The following DLG5 variants were observed in gnomAD, a reference collection of about 807,000 sequenced individuals.
DLG5 encodes discs large MAGUK scaffold protein 5, also known as disks large homolog 5.
A neutral mutation model predicts 189.8 loss-of-function variants in DLG5; 48 were observed. That is an observed-to-expected ratio of 0.25 (90% CI 0.20 to 0.32). The LOEUF (loss-of-function observed/expected upper bound fraction) is 0.32, where lower values mean the gene tolerates loss of function less well. DLG5 is among the 10% of genes least tolerant of loss of function. The pLI is 1.00. For missense variants in DLG5, 2,160 were observed against 2,544.7 expected (o/e 0.85, Z 3.25); for synonymous variants, 1,016 against 1,054.1 (o/e 0.96, Z 0.70).
At chr10:77,831,946 G>A (rs1420959786) in intron 9 of DLG5, among the ~76,000 whole-genome samples, 4 of 152,320 alleles carry the variant, frequency 2.6e-5, no homozygotes, top group Non-Finnish European at 4.4e-5. Context: ...GGAGGCTCAC[G>A]CCTGTAATCC....
At chr10:77,857,114 C>G (rs898863598) in intron 2 of DLG5, among the ~76,000 whole-genome samples, 3 of 152,122 alleles carry the variant, frequency 2.0e-5, no homozygotes, top group African/African-American at 4.8e-5. Context: ...CACTCAACAA[C>G]CCCCAGTAAC....
At chr10:77,804,498 G>A (rs1841374613) in intron 27 of DLG5, among the ~76,000 whole-genome samples, 1 of 152,128 alleles carries the variant, frequency 6.6e-6, no homozygotes, top group African/African-American at 2.4e-5. Context: ...GAGAGGGAGG[G>A]AGGCAGCCAG....
In DLG5 at chr10:77,903,264, C is replaced by A. The variant is rs560023618; in HGVS notation, c.304+22953G>T. On this transcript the variant is annotated intron_variant, in intron 1 of 31. Transcript: ENST00000372391. ...CCAATATGGAGAACCCCCGTCTCTA[C>A]TAAAAATACAAAAATTAGCCGGGCG... 1.7e-3 allele frequency among the ~76,000 whole-genome samples: 261 copies of A among 152,068 alleles called. 1 individual carries two copies. Among genetic ancestry groups the A allele is most frequent in the African/African-American group, 6.0e-3 (251 of 41,500 alleles).
intron 1 of DLG5, among the ~76,000 whole-genome samples, chr10:77,881,072 A>G (rs577653919): frequency 2.0e-4 from 29 of 143,762 alleles, no homozygotes; most frequent in African/African-American, 7.3e-4. Context: ...TCCCGGGTCC[A>G]AGTGATTCTC....
intron 27 of DLG5, among the ~76,000 whole-genome samples, chr10:77,802,628 GTAATCCC>G (rs1841267324): frequency 6.6e-6 from 1 of 152,258 alleles, no homozygotes; most frequent in Admixed American, 6.5e-5. Context: ...CCTTGCGCCT[GTAATCCC>G]GGGTGCAGTG....
Position 77,821,566 on chromosome 10 carries a change from A to G in DLG5, c.2918T>C (p.Ile973Thr). 1 of 1,612,910 alleles carries G rather than the reference A, an allele frequency of 6.2e-7. No homozygotes were observed. The highest frequency in any genetic ancestry group is 8.5e-7 in the Non-Finnish European group (1 of 1,180,010). ...VYKKPKQRKS[I>T]FDPNTFKRPQ... Reference sequence around the variant, plus strand: ...GCGTTTGAAAGTGTTAGGGTCAAAGATGGACTTTCTTTGCTTTGGCTTTTT... The same window carrying G: ...GCGTTTGAAAGTGTTAGGGTCAAAGGTGGACTTTCTTTGCTTTGGCTTTTT... The change falls in exon 15 of 32, where the codon ATC becomes ACC. Residue 973 changes from isoleucine (I) to threonine (T), a missense_variant. Ile to Thr is a moderately conservative substitution (Grantham distance 89, BLOSUM62 -1). This residue lies in a region of DLG5 where 754 missense variants were observed against 746.5 expected (regional missense o/e 1.01). Coordinates refer to ENST00000372391, the MANE Select transcript of DLG5 (RefSeq NM_004747.4).
At position 77,871,152 on chromosome 10, in the gene DLG5, C is replaced by T. The variant is rs187311176; in HGVS notation, c.305-1955G>A. Among the ~76,000 whole-genome samples the T allele has an allele frequency of 7.2e-5, 11 of 152,176 alleles. No individual in the cohort carries two copies. In the East Asian group the frequency reaches 9.6e-4, roughly 13 times the overall value. ...TGGGTAGGTGTCTTGTCTCTCAATA[C>T]GACTGTCAGAAGGGATTAGATTTGT... is the stretch of plus-strand genomic sequence containing the variant. On this transcript the variant is annotated intron_variant, in intron 1 of 31. Transcript: ENST00000372391.
intron 1 of DLG5, among the ~76,000 whole-genome samples, chr10:77,896,816 T>C (rs1336582206): frequency 6.8e-6 from 1 of 146,902 alleles, no homozygotes; most frequent in Non-Finnish European, 1.5e-5. Flanking sequence ...TGAAATTCCA[T>C]CTCAAAAAAA....
chr10:77,821,525 T>TG lies in DLG5; in HGVS notation c.2958dup (p.Lys987GlnfsTer37), dbSNP rs1389184095. 2 of 1,612,684 alleles carry TG rather than the reference T, an allele frequency of 1.2e-6. No homozygotes were observed. On this transcript the variant is annotated frameshift_variant, in exon 15 of 32. Coordinates refer to ENST00000372391, the MANE Select transcript of DLG5 (RefSeq NM_004747.4). LOFTEE classifies it high-confidence loss of function. ...GGACCTGGAAGCAGGTAGTCTATTTTGGGGGGTGTCTGGGGGCGTTTGAAA... is the reference window on the plus strand; with the variant it reads ...GGACCTGGAAGCAGGTAGTCTATTTTGGGGGGGTGTCTGGGGGCGTTTGAAA...
At chr10:77,834,388 C>G (rs1454205267) in intron 8 of DLG5, among the ~76,000 whole-genome samples, 1 of 152,104 alleles carries the variant, frequency 6.6e-6, no homozygotes, top group Non-Finnish European at 1.5e-5. Context: ...CAGGGGGTGG[C>G]TCTCCTCTGC....
chr10:77,938,155 T>C, the DLG5 span, among the ~76,000 whole-genome samples: 34 of 152,082 alleles, frequency 2.2e-4, no homozygotes, highest in African/African-American at 7.5e-4. Context: ...TCAAAACTAT[T>C]TGTTGAGGCA....
At chr10:77,904,611 G>C (rs1248880) in intron 1 of DLG5, among the ~76,000 whole-genome samples, 46,327 of 151,710 alleles carry the variant, frequency 0.31, 7,712 homozygotes, top group Admixed American at 0.44. Context: ...GTAAGTCTCG[G>C]GAGATCTGAT....
chr10:77,882,401 G>A lies in DLG5; in HGVS notation c.305-13204C>T, dbSNP rs191811471. Among the ~76,000 whole-genome samples, 115 of 152,218 alleles carry A rather than the reference G, an allele frequency of 7.6e-4. 1 individual carries two copies. Among genetic ancestry groups the A allele is most frequent in the African/African-American group, 2.6e-3 (110 of 41,516 alleles). On this transcript the variant is annotated intron_variant, in intron 1 of 31. Coordinates refer to ENST00000372391, the MANE Select transcript of DLG5 (RefSeq NM_004747.4). ...AAATACTGGATGCTGAAAGTGCTTC[G>A]TAACTGCTAATAAATGATCCATTTT...
chr10:77,864,483 C>A (rs1279159787), intron 2 of DLG5, among the ~76,000 whole-genome samples: 1 of 152,194 alleles, frequency 6.6e-6, no homozygotes, highest in Non-Finnish European at 1.5e-5. Context: ...CCAGAGCCGT[C>A]CAGGAAAGAC....
chr10:77,871,004 T>G (rs894697865), intron 1 of DLG5, among the ~76,000 whole-genome samples: 5 of 151,882 alleles, frequency 3.3e-5, no homozygotes, highest in Non-Finnish European at 7.4e-5. Flanking sequence ...AAAAGCAACT[T>G]TGGTAATGGC....
In DLG5 at chr10:77,794,073, CT is replaced by C; in HGVS notation, c.5590del (p.Arg1864GlyfsTer64). ...PIYLRDKVTQ[R>X]HSKEQFEAAQ... ...CGCCTCAAACTGCTCTTTGGAATGCCTCTGAGTCACCTTGTCCCTCAGGTAG... is the reference window on the plus strand; with the variant it reads ...CGCCTCAAACTGCTCTTTGGAATGCCCTGAGTCACCTTGTCCCTCAGGTAG... On this transcript the variant is annotated frameshift_variant, in exon 31 of 32. Transcript: ENST00000372391. LOFTEE classifies it high-confidence loss of function. 1 of 1,614,220 alleles carries C rather than the reference CT, an allele frequency of 6.2e-7. No individual in the cohort carries two copies. The highest frequency in any genetic ancestry group is 1.3e-5 in the African/African-American group (1 of 75,062).
intron 20 of DLG5, chr10:77,816,249 A>G (rs1163094808): frequency 1.9e-5 from 12 of 639,006 alleles, no homozygotes; most frequent in Non-Finnish European, 3.5e-5. Context: ...AGCCACACGT[A>G]AAGTGCTTGA....
Position 77,819,897 on chromosome 10 carries a change from A to G in DLG5, c.3524T>C (p.Val1175Ala). Reference protein sequence around the residue: ...NPPLYPSRPSVGTVPRSLTPS... With the variant: ...NPPLYPSRPSAGTVPRSLTPS... ...CAGCCCCTGGCTGGCTGACTCACCCACAGACGGCCTGCTAGGGTATAGCGG... is the reference window on the plus strand; with the variant it reads ...CAGCCCCTGGCTGGCTGACTCACCCGCAGACGGCCTGCTAGGGTATAGCGG... Residue 1175 changes from valine to alanine, a missense_variant and splice_region_variant, in exon 16 of 32, where the codon GTG (valine) becomes GCG (alanine). Val to Ala is a moderately conservative substitution (Grantham distance 64). Transcript: ENST00000372391. 1.3e-6 allele frequency: 2 copies of G among 1,564,032 alleles called. No homozygotes were observed. The highest frequency in any genetic ancestry group is 2.3e-5 in the East Asian group (1 of 43,892).
chr10:77,937,743 A>C, the DLG5 span, among the ~76,000 whole-genome samples: 1 of 131,774 alleles, frequency 7.6e-6, no homozygotes, highest in Non-Finnish European at 1.6e-5. Flanking sequence ...TTTGAGACAG[A>C]GTTTCGCTCT....
Sources: gnomAD v4.1 joint callset for allele counts (sites outside exome capture counted in the v4.1 genomes callset) on GRCh38, gnomAD v4.1.1 for gene constraint, gnomAD v4.1.1 regional missense constraint, MANE v1.5 for transcripts, NCBI Gene and HGNC (gene_info 2026-07-23, HGNC 2026-07-21) for gene names.